CNTNAP2: variants seen among roughly 807,000 people sequenced by gnomAD.
The protein encoded by CNTNAP2 is contactin associated protein 2, also known as contactin-associated protein-like 2.
CNTNAP2 carries 98 observed loss-of-function variants against 155.2 expected under a neutral mutation model. That is an observed-to-expected ratio of 0.63 (90% confidence interval 0.54 to 0.75). The LOEUF is 0.75. Ranked by LOEUF, CNTNAP2 falls within the 30% of genes least tolerant of loss-of-function variation. The probability of loss-of-function intolerance (pLI) is 0.00; values close to 1 mark genes in which losing one functional copy is unlikely to be tolerated. For synonymous variants in CNTNAP2, 651 were observed against 631.2 expected (o/e 1.03, Z -0.47); for missense variants, 1,727 against 1,688.1 (o/e 1.02, Z -0.40).
At chr7:147,403,751 A>T (rs963724791) in intron 10 of CNTNAP2, among the ~76,000 whole-genome samples, 1 of 152,190 alleles carries the variant, frequency 6.6e-6, no homozygotes, top group Non-Finnish European at 1.5e-5. Context: ...CTAGAGGTGA[A>T]TTATCCCAGA....
chr7:147,038,284 T>C (rs1799195818), intron 3 of CNTNAP2, among the ~76,000 whole-genome samples: 1 of 145,802 alleles, frequency 6.9e-6, no homozygotes, highest in African/African-American at 2.5e-5. Flanking sequence ...TAAAGCACTA[T>C]TATTCTAAAC....
At chr7:148,319,621 C>T (rs558064571) in intron 21 of CNTNAP2, among the ~76,000 whole-genome samples, 3 of 152,118 alleles carry the variant, frequency 2.0e-5, no homozygotes, top group Non-Finnish European at 4.4e-5. Context: ...ACCTGAGCTC[C>T]ACCTTCTGTC....
At chr7:147,967,116 T>C (rs1013735810) in intron 14 of CNTNAP2, among the ~76,000 whole-genome samples, 7 of 152,158 alleles carry the variant, frequency 4.6e-5, no homozygotes, top group African/African-American at 1.7e-4. Flanking sequence ...ACATCAAGCA[T>C]TCCCTCTACT....
chr7:146,311,932 A>T (rs1036141648), intron 1 of CNTNAP2: 2 of 152,216 alleles, frequency 1.3e-5, no homozygotes, highest in African/African-American at 4.8e-5. Context: ...AGGAAGGACA[A>T]TCAATATAAA....
intron 8 of CNTNAP2, among the ~76,000 whole-genome samples, chr7:147,291,094 G>A (rs1421246937): frequency 6.6e-6 from 1 of 151,894 alleles, no homozygotes; most frequent in African/African-American, 2.4e-5. Context: ...TCCCACTTGT[G>A]CCCACCTTCC....
chr7:147,730,642 T>C (rs1203966969), intron 13 of CNTNAP2, among the ~76,000 whole-genome samples: 1 of 151,976 alleles, frequency 6.6e-6, no homozygotes, highest in Non-Finnish European at 1.5e-5. Flanking sequence ...ATACTGAACT[T>C]AGGCCAGTTA....
chr7:148,078,082 TA>T (rs1282714511), intron 15 of CNTNAP2, among the ~76,000 whole-genome samples: 1 of 152,104 alleles, frequency 6.6e-6, no homozygotes, highest in Non-Finnish European at 1.5e-5. Context: ...GTTTTTTTTT[TA>T]GACAGAATCT....
At chr7:147,124,358 G>A (rs1227199457) in intron 6 of CNTNAP2, among the ~76,000 whole-genome samples, 2 of 152,152 alleles carry the variant, frequency 1.3e-5, no homozygotes, top group South Asian at 2.1e-4. Context: ...CAAAGGCATT[G>A]AGGCCCAAAG....
intron 13 of CNTNAP2, among the ~76,000 whole-genome samples, chr7:147,712,247 C>T (rs1796410717): frequency 6.6e-6 from 1 of 152,136 alleles, no homozygotes; most frequent in African/African-American, 2.4e-5. Flanking sequence ...CAGGAAACAA[C>T]AGGTGCTGGA....
chr7:147,761,927 A>G (rs1233886756), intron 13 of CNTNAP2, among the ~76,000 whole-genome samples: 1 of 152,158 alleles, frequency 6.6e-6, no homozygotes, highest in African/African-American at 2.4e-5. Context: ...GGCATATGAA[A>G]AAAAATACAT....
At chr7:146,192,045 A>T (rs748950893) in intron 1 of CNTNAP2, among the ~76,000 whole-genome samples, 1 of 152,188 alleles carries the variant, frequency 6.6e-6, no homozygotes, top group Non-Finnish European at 1.5e-5. Flanking sequence ...TTCATAATTT[A>T]TGTTCAGAGA....
intron 1 of CNTNAP2, among the ~76,000 whole-genome samples, chr7:146,556,145 A>G (rs1798195291): frequency 6.6e-6 from 1 of 152,076 alleles, no homozygotes; most frequent in African/African-American, 2.4e-5. Context: ...ACTTTTTTCT[A>G]TTGTATAATG....
chr7:147,125,324 AT>A, intron 6 of CNTNAP2, among the ~76,000 whole-genome samples: 1 of 152,156 alleles, frequency 6.6e-6, no homozygotes, highest in Non-Finnish European at 1.5e-5. Flanking sequence ...ATATATGGAC[AT>A]TTTTTGTGAC....
chr7:147,655,665 A>G (rs1172482276), intron 13 of CNTNAP2, among the ~76,000 whole-genome samples: 1 of 152,222 alleles, frequency 6.6e-6, no homozygotes, highest in Non-Finnish European at 1.5e-5. Context: ...TTGTAAACAG[A>G]TGTGCTGTCC....
chr7:148,363,385 G>T (rs1422428208), intron 21 of CNTNAP2, among the ~76,000 whole-genome samples: 1 of 152,238 alleles, frequency 6.6e-6, no homozygotes, highest in Non-Finnish European at 1.5e-5. Flanking sequence ...TGTTTGGTAA[G>T]TTGAGTGTAT....
intron 8 of CNTNAP2, among the ~76,000 whole-genome samples, chr7:147,297,855 T>C (rs1454655732): frequency 2.6e-5 from 4 of 152,190 alleles, no homozygotes; most frequent in Non-Finnish European, 5.9e-5. Flanking sequence ...AAATCTTAGC[T>C]ATCGTAAACA....
chr7:148,387,126 G>C (rs1799228963), intron 22 of CNTNAP2, among the ~76,000 whole-genome samples: 1 of 151,466 alleles, frequency 6.6e-6, no homozygotes, highest in Admixed American at 6.6e-5. Context: ...AGAAGTCTCT[G>C]CTTTTTGTCA....
intron 21 of CNTNAP2, among the ~76,000 whole-genome samples, chr7:148,345,376 T>C (rs1218004037): frequency 6.6e-6 from 1 of 151,318 alleles, no homozygotes; most frequent in Non-Finnish European, 1.5e-5. Flanking sequence ...GTTTGTTTAT[T>C]TTTTGAGACA....
chr7:148,169,567 C>G (rs1179672975), intron 17 of CNTNAP2, among the ~76,000 whole-genome samples: 1 of 151,958 alleles, frequency 6.6e-6, no homozygotes, highest in Non-Finnish European at 1.5e-5. Context: ...CTTAAAAGTC[C>G]ACTGGTGGTG....
Sources: gnomAD v4.1 joint callset for allele counts (sites outside exome capture counted in the v4.1 genomes callset) on GRCh38, gnomAD v4.1.1 for gene constraint, MANE v1.5 for transcripts, NCBI Gene and HGNC (gene_info 2026-07-23, HGNC 2026-07-21) for gene names.